CCAR1: variants seen among roughly 807,000 people sequenced by gnomAD.
The protein encoded by CCAR1 is cell division cycle and apoptosis regulator protein 1.
Under a neutral mutation model 163.8 loss-of-function variants are expected in CCAR1, and 78 were observed. That is an observed-to-expected ratio of 0.48 (90% confidence interval 0.40 to 0.57). The LOEUF (loss-of-function observed/expected upper bound fraction) is 0.57, where lower values mean the gene tolerates loss of function less well. Among genes scored for constraint, CCAR1 ranks in the 20% least tolerant of loss-of-function variants. The pLI, the probability that CCAR1 is intolerant of heterozygous loss-of-function variation, is 0.00. For synonymous variants in CCAR1, 443 were observed against 460.7 expected, an observed-to-expected ratio of 0.96 and a Z score of 0.49; for missense variants, 1,019 against 1,365.2, an observed-to-expected ratio of 0.75 and a Z score of 4.00.
rs113093406 is a variant in CCAR1, at chr10:68,737,525, G to C, written c.247-320G>C. Among the ~76,000 whole-genome samples, 298 of 148,908 alleles carry C rather than the reference G, an allele frequency of 2.0e-3. 1 individual carries two copies. Among genetic ancestry groups the C allele is most frequent in the African/African-American group, 7.0e-3 (285 of 40,564 alleles). On this transcript the variant is annotated intron_variant, in intron 3 of 24. Coordinates refer to ENST00000265872, the MANE Select transcript of CCAR1 (RefSeq NM_018237.4). ...AAAAAAAAAAAAAAAAAAAGTAGTT[G>C]AATAGTCAAAATTTTTAAGTCCTTA...
Position 68,756,454 on chromosome 10 carries a change from G to T in CCAR1, c.1807G>T (p.Gly603Cys), listed in dbSNP as rs1278785026. ...YKQQLVEKLQ[G>C]ERKEADGEQD... The stretch of plus-strand genomic sequence containing the variant: ...GCAGCAGCTGGTCGAGAAGCTTCAG[G>T]GTGAACGCAAGGAGGCTGATGGAGA... Residue 603 changes from glycine to cysteine, a missense_variant, in exon 14 of 25, where the codon GGT becomes TGT. Gly to Cys is a radical substitution (Grantham distance 159, BLOSUM62 -3). Coordinates refer to ENST00000265872, the MANE Select transcript of CCAR1 (RefSeq NM_018237.4). This position sits in a 1 kb window ranked among gnomAD's most constrained non-coding sequence, Gnocchi z 5.1. 3 of 1,612,520 alleles carry T rather than the reference G, an allele frequency of 1.9e-6. No individual in the cohort carries two copies. Among genetic ancestry groups the T allele is most frequent in the Non-Finnish European group, 2.5e-6 (3 of 1,179,352 alleles).
rs188918545 is a variant in CCAR1 at position 68,726,853 on chromosome 10, G to A, written c.73+4276G>A. ...TCTACTAAAAATACAAAAATTAGCC[G>A]GACATAGTGGTGTGCATCTGTAATC... On this transcript the variant is annotated intron_variant, in intron 2 of 24. Transcript: ENST00000265872. Among the ~76,000 whole-genome samples the A allele has an allele frequency of 2.8e-3, 422 of 151,508 alleles. 3 individuals are homozygous for A. The highest frequency in any genetic ancestry group is 9.5e-3 in the African/African-American group (392 of 41,420).
chr10:68,748,983 C>T (rs1362925018), intron 8 of CCAR1, among the ~76,000 whole-genome samples, 153 bp from the exon 9 acceptor site: 1 of 152,150 alleles, frequency 6.6e-6, no homozygotes, highest in Non-Finnish European at 1.5e-5. Flanking sequence ...CGGCCAGTAC[C>T]TATTCTTTAA....
intron 10 of CCAR1, 30 bp from the exon 11 acceptor site, chr10:68,753,822 A>G: frequency 6.9e-7 from 1 of 1,445,914 alleles, no homozygotes; most frequent in Non-Finnish European, 9.7e-7. Context: ...TATTAAGGCT[A>G]TTTATTCACT....
Position 68,758,347 on chromosome 10 carries a change from G to A in CCAR1, c.1920+970G>A, listed in dbSNP as rs147839973. On this transcript the variant is annotated intron_variant, in intron 15 of 24. Coordinates refer to ENST00000265872, the MANE Select transcript of CCAR1 (RefSeq NM_018237.4). ...TAGGATTACAGGCGTGAGCTACTGC[G>A]CCCAGCCTAAAATATATTTAAAATT... Among the ~76,000 whole-genome samples, 10 of 151,992 alleles carry A rather than the reference G, an allele frequency of 6.6e-5. No homozygotes were observed. In the East Asian group the frequency reaches 9.7e-4, roughly 15 times the overall value.
intron 2 of CCAR1, among the ~76,000 whole-genome samples, chr10:68,723,803 G>A (rs539423233): frequency 1.3e-5 from 2 of 149,438 alleles, no homozygotes; most frequent in Non-Finnish European, 3.0e-5. Flanking sequence ...AGCTGAGATC[G>A]CGCCACTGCA....
intron 1 of CCAR1, chr10:68,721,715 C>A (rs1033626788): frequency 5.9e-6 from 2 of 338,206 alleles, no homozygotes; most frequent in South Asian, 2.0e-5. Context: ...TGTCGTGGGG[C>A]GGTGGGTTCC....
intron 21 of CCAR1, 101 bp from the exon 22 acceptor site, chr10:68,787,826 A>T: frequency 8.5e-7 from 1 of 1,170,214 alleles, no homozygotes; most frequent in Non-Finnish European, 1.2e-6. Flanking sequence ...CAAGAGCAAG[A>T]CTCTTTCTCA....
chr10:68,765,650 G>A (rs1364038876), intron 16 of CCAR1, among the ~76,000 whole-genome samples: 1 of 151,846 alleles, frequency 6.6e-6, no homozygotes. Flanking sequence ...TCTTTACAAG[G>A]CAGTTTCTTA....
intron 19 of CCAR1, among the ~76,000 whole-genome samples, chr10:68,777,590 G>A (rs1031221172): frequency 4.0e-5 from 6 of 151,686 alleles, no homozygotes; most frequent in Admixed American, 1.3e-4. Context: ...AGGCTGAGGC[G>A]TGAGAATCAC....
chr10:68,759,691 TGA>T (rs2056444440), intron 15 of CCAR1, among the ~76,000 whole-genome samples: 1 of 151,906 alleles, frequency 6.6e-6, no homozygotes, highest in African/African-American at 2.4e-5. Context: ...CTGTGAGCCA[TGA>T]GCCATGGTTG....
At chr10:68,740,078 A>G (rs2056163596) in intron 4 of CCAR1, among the ~76,000 whole-genome samples, 1 of 152,210 alleles carries the variant, frequency 6.6e-6, no homozygotes, top group Non-Finnish European at 1.5e-5. Flanking sequence ...ATTTAGGGAT[A>G]TATCTATGAA....
intron 2 of CCAR1, among the ~76,000 whole-genome samples, chr10:68,727,074 GT>G (rs1417202441): frequency 2.3e-4 from 28 of 121,536 alleles, no homozygotes; most frequent in Non-Finnish European, 2.1e-4. Context: ...TTTTTTTTTT[GT>G]TTTTTTTTTT....
In CCAR1 at chr10:68,790,973, C is replaced by G. The variant is rs1469671334; in HGVS notation, c.3394-234C>G. 2.0e-5 allele frequency among the ~76,000 whole-genome samples: 3 copies of G among 151,364 alleles called. No individual in the cohort carries two copies. In the East Asian group the frequency reaches 5.9e-4, roughly 30 times the overall value. On this transcript the variant is annotated intron_variant, in intron 24 of 24. Transcript: ENST00000265872. ...TTGGCCTCTCAGAGTGCTGAGATTA[C>G]AGTCATGAGCCACCACACCTGCCCC...
chr10:68,770,094 C>T (rs1254670059), intron 17 of CCAR1, among the ~76,000 whole-genome samples: 2 of 152,222 alleles, frequency 1.3e-5, no homozygotes, highest in Non-Finnish European at 2.9e-5. Context: ...ACCAATATGG[C>T]TTATTTCCTT....
At chr10:68,762,196 G>T (rs1215317197) in intron 16 of CCAR1, among the ~76,000 whole-genome samples, 1 of 152,026 alleles carries the variant, frequency 6.6e-6, no homozygotes, top group African/African-American at 2.4e-5. Flanking sequence ...GGGCGTGGTT[G>T]CAGGCGCCTG....
intron 2 of CCAR1, among the ~76,000 whole-genome samples, chr10:68,723,617 G>C (rs1339037116): frequency 6.6e-6 from 1 of 151,324 alleles, no homozygotes; most frequent in Non-Finnish European, 1.5e-5. Context: ...GGGAGGCCAA[G>C]GCGGGCAGAT....
chr10:68,775,154 G>A, intron 19 of CCAR1: 1 of 199,362 alleles, frequency 5.0e-6, no homozygotes, highest in Non-Finnish European at 1.0e-5. Context: ...TTGTAACCCA[G>A]TTTAACATAT....
chr10:68,784,224 A>G (rs1206279595), intron 19 of CCAR1, among the ~76,000 whole-genome samples: 1 of 148,926 alleles, frequency 6.7e-6, no homozygotes, highest in Non-Finnish European at 1.5e-5. Context: ...TTATATATTT[A>G]TTTATTTATG....
Sources: gnomAD v4.1 joint callset for allele counts (sites outside exome capture counted in the v4.1 genomes callset) on GRCh38, gnomAD v4.1.1 for gene constraint, Gnocchi (gnomAD v3.1) non-coding constraint, MANE v1.5 for transcripts, NCBI Gene and HGNC (gene_info 2026-07-23, HGNC 2026-07-21) for gene names.